PLXNB2: variants seen among roughly 807,000 people sequenced by gnomAD.
PLXNB2 encodes plexin-B2.
PLXNB2 carries 85 observed loss-of-function variants against 202.6 expected under a neutral mutation model. The observed-to-expected ratio is 0.42, with a 90% CI of 0.35 to 0.50. The LOEUF is 0.50. Ranked by LOEUF, PLXNB2 falls within the 20% of genes least tolerant of loss-of-function variation. The pLI, the probability that PLXNB2 is intolerant of heterozygous loss-of-function variation, is 0.02. For missense variants in PLXNB2, 2,063 were observed against 2,586.2 expected (o/e 0.80, Z 4.39); for synonymous variants, 1,239 against 1,137.6 (o/e 1.09, Z -1.79).
Position 50,289,659 on chromosome 22 carries a change from G to A in PLXNB2, c.926C>T (p.Ala309Val), listed in dbSNP as rs754877775. Residue 309 changes from alanine to valine, a missense_variant, in exon 3 of 37, where the codon GCG becomes GTG. Around this residue, in one of 2 missense-constraint regions of PLXNB2, gnomAD observed 1,303 missense variants for 1,476.8 expected, o/e 0.88. Coordinates refer to ENST00000359337, the MANE Select transcript of PLXNB2 (RefSeq NM_012401.4). This position sits in a 1 kb window ranked among gnomAD's most constrained non-coding sequence, Gnocchi z 8.0. Reference sequence around the variant, plus strand: ...GTCCAGCGGGAACAGGCAGAGGCCCGCACCGGGCCCCCCACTGCTCCGGCT... The same window carrying A: ...GTCCAGCGGGAACAGGCAGAGGCCCACACCGGGCCCCCCACTGCTCCGGCT... ...RDSRSSGGPG[A>V]GLCLFPLDKV... The A allele has an allele frequency of 3.7e-6, 6 of 1,609,400 alleles. No homozygotes were observed. The highest frequency in any genetic ancestry group is 2.2e-5 in the East Asian group (1 of 44,894).
chr22:50,289,211 A>G lies in PLXNB2; in HGVS notation c.1069-69T>C, dbSNP rs2066691366. 8.1e-6 allele frequency: 11 copies of G among 1,360,848 alleles called. No individual in the cohort carries two copies. Among genetic ancestry groups the G allele is most frequent in the African/African-American group, 1.5e-5 (1 of 68,672 alleles). 84.3% of individuals were successfully genotyped at this position (1,360,848 alleles called of 1,614,324 possible). On this transcript the variant is annotated intron_variant, in intron 3 of 36. Coordinates refer to ENST00000359337, the MANE Select transcript of PLXNB2 (RefSeq NM_012401.4). This position sits in a 1 kb window ranked among gnomAD's most constrained non-coding sequence, Gnocchi z 8.0. ...GAAGGGCCCTCTCCACTCGCGCTCC[A>G]AGACTCGGGACAGGCCCTTCCCTTC...
intron 2 of PLXNB2, among the ~76,000 whole-genome samples, chr22:50,293,862 C>A (rs2067069601): frequency 6.6e-6 from 1 of 152,234 alleles, no homozygotes; most frequent in Admixed American, 6.5e-5. Context: ...CGGGGGCTGG[C>A]ACACCCTAAG....
chr22:50,293,675 C>G (rs1010190186), intron 2 of PLXNB2, among the ~76,000 whole-genome samples: 1 of 152,226 alleles, frequency 6.6e-6, no homozygotes, highest in Admixed American at 6.5e-5. Flanking sequence ...CTGGCCCGGA[C>G]CGTGGTGGGG....
intron 1 of PLXNB2, among the ~76,000 whole-genome samples, chr22:50,299,132 A>G (rs2067486326): frequency 6.6e-6 from 1 of 152,230 alleles, no homozygotes; most frequent in Admixed American, 6.5e-5. Context: ...ATGGGGATCC[A>G]GGCAGCAGCC....
rs775938208 is a variant in PLXNB2, at chr22:50,290,522, C to A, written c.63G>T (p.Arg21Ser). The A allele has an allele frequency of 6.2e-7, 1 of 1,612,332 alleles. No homozygotes were observed. Among genetic ancestry groups the A allele is most frequent in the African/African-American group, 1.3e-5 (1 of 74,928 alleles). ...TGCGGAAGAAGTCCAGCTTGCGGGG[C>A]CTCAGGCTGGCACCTGCGCCCAGCA... ...LGLLGAGASL[R>S]PRKLDFFRSE... Residue 21 changes from arginine (R) to serine (S), a missense_variant, in exon 3 of 37, where the codon AGG becomes AGT. Physicochemically the swap from Arg to Ser is moderately radical, Grantham distance 110 (BLOSUM62 -1). Around this residue, in one of 2 missense-constraint regions of PLXNB2, gnomAD observed 1,303 missense variants for 1,476.8 expected, o/e 0.88. Coordinates refer to ENST00000359337, the MANE Select transcript of PLXNB2 (RefSeq NM_012401.4).
chr22:50,283,782 G>A, intron 14 of PLXNB2, 32 bp from the exon 15 acceptor site: 2 of 1,612,820 alleles, frequency 1.2e-6, no homozygotes, highest in Non-Finnish European at 1.7e-6. Context: ...AGCAGGGAGG[G>A]GCTCATGCCA....
chr22:50,282,640 A>C, intron 18 of PLXNB2, 71 bp downstream of exon 18: 2 of 1,075,378 alleles, frequency 1.9e-6, no homozygotes, highest in Non-Finnish European at 2.6e-6. Context: ...CTTTCAGCAC[A>C]GTCAGCCAAG....
chr22:50,277,674 G>T lies in PLXNB2; in HGVS notation c.5113C>A (p.His1705Asn). The change falls in exon 33 of 37, where the codon CAC becomes AAC. Residue 1705 changes from histidine to asparagine, a missense_variant. Around this residue, in one of 2 missense-constraint regions of PLXNB2, gnomAD observed 760 missense variants for 1,109.4 expected, o/e 0.69. Transcript: ENST00000359337. ...NPHFIFDVHV[H>N]EVVDASLSVI... The stretch of plus-strand genomic sequence containing the variant: ...GACAGCGAGGCGTCCACCACCTCGT[G>T]GACATGCACGTCAAAGATGAAGTGG... 1 of 1,608,896 alleles carries T rather than the reference G, an allele frequency of 6.2e-7. No individual in the cohort carries two copies. The highest frequency in any genetic ancestry group is 8.5e-7 in the Non-Finnish European group (1 of 1,177,154).
In PLXNB2 at chr22:50,282,803, G is replaced by A. The variant is rs373522178; in HGVS notation, c.2895C>T (p.Tyr965=). Residue 965 remains tyrosine (Y), a synonymous_variant, in exon 18 of 37, where the codon TAC becomes TAT. Transcript: ENST00000359337. ...TRGQMLLEVS[Y]GGSPVPNPGI... ...CGGGGTTGGGCACGGGGGACCCCCCGTAGGAGACCTCCAGAAGCATCTGGC... is the reference window on the plus strand; with the variant it reads ...CGGGGTTGGGCACGGGGGACCCCCCATAGGAGACCTCCAGAAGCATCTGGC... 2.7e-5 allele frequency: 44 copies of A among 1,611,642 alleles called. No homozygotes were observed. Among genetic ancestry groups the A allele is most frequent in the South Asian group, 8.8e-5 (8 of 91,046 alleles).
At chr22:50,280,110 A>G in intron 25 of PLXNB2, 39 bp from the exon 26 acceptor site, 1 of 1,499,242 alleles carries the variant, frequency 6.7e-7, no homozygotes, top group Non-Finnish European at 9.1e-7. Flanking sequence ...GTGACCCCGT[A>G]GTATTCCTGA....
intron 1 of PLXNB2, among the ~76,000 whole-genome samples, chr22:50,306,723 TCACC>T (rs2067897217): frequency 1.4e-5 from 2 of 138,498 alleles, no homozygotes; most frequent in Non-Finnish European, 3.1e-5. Context: ...ACCCTCACCC[TCACC>T]CTCACCCCCT....
At chr22:50,295,927 C>T (rs371290419) in intron 1 of PLXNB2, among the ~76,000 whole-genome samples, 1 of 152,032 alleles carries the variant, frequency 6.6e-6, no homozygotes, top group Non-Finnish European at 1.5e-5. Context: ...CATGGTGAAA[C>T]CCCATCTCTA....
At chr22:50,304,774 G>T (rs1471249304) in intron 1 of PLXNB2, among the ~76,000 whole-genome samples, 1 of 152,072 alleles carries the variant, frequency 6.6e-6, no homozygotes, top group Non-Finnish European at 1.5e-5. Context: ...GGAGGGAGGG[G>T]CTGTGGCCAG....
At chr22:50,298,238 A>G (rs562506412) in intron 1 of PLXNB2, among the ~76,000 whole-genome samples, 1 of 152,268 alleles carries the variant, frequency 6.6e-6, no homozygotes, top group African/African-American at 2.4e-5. Flanking sequence ...TCCTCCCCCA[A>G]CCAGAACTCC....
Position 50,287,786 on chromosome 22 carries a change from G to A in PLXNB2, c.1489C>T (p.Arg497Trp), listed in dbSNP as rs371186063. The A allele has an allele frequency of 7.6e-5, 121 of 1,591,840 alleles. No individual in the cohort carries two copies. The highest frequency in any genetic ancestry group is 9.8e-5 in the Non-Finnish European group (115 of 1,176,232). ...GWCVVEGRCTRKAECPRAEEA... is the reference protein window; with the variant it reads ...GWCVVEGRCTWKAECPRAEEA... ...TCGGCCCGCGGACACTCGGCCTTCCGGGTGCATCTGCAGGCGCAGGGGGCG... is the reference window on the plus strand; with the variant it reads ...TCGGCCCGCGGACACTCGGCCTTCCAGGTGCATCTGCAGGCGCAGGGGGCG... The change falls in exon 7 of 37, where the codon CGG becomes TGG. Residue 497 changes from arginine (R) to tryptophan (W), a missense_variant. By Grantham distance (101) the Arg-to-Trp change is moderately radical (BLOSUM62 -3). Around this residue, in one of 2 missense-constraint regions of PLXNB2, gnomAD observed 1,303 missense variants for 1,476.8 expected, o/e 0.88. Transcript: ENST00000359337.
In PLXNB2 at chr22:50,285,867, G is replaced by T; in HGVS notation, c.2021C>A (p.Pro674His). Residue 674 changes from proline to histidine, a missense_variant, in exon 11 of 37, where the codon CCC becomes CAC. This residue lies in a region of PLXNB2 where 1,303 missense variants were observed against 1,476.8 expected (regional missense o/e 0.88). Transcript: ENST00000359337. Reference sequence around the variant, plus strand: ...CTCGTGGTTCATGGGGATCACCAGGGGGCTGGGTCCCAGGAACTGGGGACA... The same window carrying T: ...CTCGTGGTTCATGGGGATCACCAGGTGGCTGGGTCCCAGGAACTGGGGACA... ...DSCPQFLGPS[P>H]LVIPMNHETD... 2 of 1,612,850 alleles carry T rather than the reference G, an allele frequency of 1.2e-6. No homozygotes were observed. Among genetic ancestry groups the T allele is most frequent in the South Asian group, 2.2e-5 (2 of 91,078 alleles).
rs1204353997 is a variant in PLXNB2 at position 50,280,613 on chromosome 22, C to T, written c.4051G>A (p.Ala1351Thr). ...EFSARAKVYF[A>T]SLLTVALHGK... ...TGCAGCGCCACCGTCAGCAGGGACG[C>T]GAAGTAGACCTTGGCGCGGGCCGAG... Residue 1351 changes from alanine to threonine, a missense_variant, in exon 25 of 37, where the codon GCG becomes ACG. By Grantham distance (58) the Ala-to-Thr change is moderately conservative. Transcript: ENST00000359337. The T allele has an allele frequency of 3.1e-6, 5 of 1,612,702 alleles. No individual in the cohort carries two copies. Among genetic ancestry groups the T allele is most frequent in the South Asian group, 1.1e-5 (1 of 91,082 alleles).
At chr22:50,300,417 G>A (rs898003400) in intron 1 of PLXNB2, 2 of 672,576 alleles carry the variant, frequency 3.0e-6, no homozygotes, top group Non-Finnish European at 3.7e-6. Flanking sequence ...GGCCCCTCCC[G>A]GCCCAGCTGC....
At chr22:50,298,405 G>T (rs1328013045) in intron 1 of PLXNB2, among the ~76,000 whole-genome samples, 2 of 151,884 alleles carry the variant, frequency 1.3e-5, no homozygotes, top group Non-Finnish European at 2.9e-5. Flanking sequence ...CAGGCCCCTT[G>T]CACGGGCTGA....
Sources: allele counts gnomAD v4.1 joint callset (sites outside exome capture counted in the v4.1 genomes callset), GRCh38; gene constraint gnomAD v4.1.1; regional missense constraint gnomAD v4.1.1; non-coding constraint Gnocchi (gnomAD v3.1); transcripts MANE v1.5; gene names NCBI Gene and HGNC (gene_info 2026-07-23, HGNC 2026-07-21).